TDRD1: variants seen among roughly 807,000 people sequenced by gnomAD.
TDRD1 encodes tudor domain-containing protein 1.
Under a neutral mutation model 140.6 loss-of-function variants are expected in TDRD1, and 37 were observed. That is an observed-to-expected ratio of 0.26 (90% CI 0.20 to 0.35). The LOEUF (loss-of-function observed/expected upper bound fraction) is 0.35. Ranked by LOEUF, TDRD1 falls within the 10% of genes least tolerant of loss-of-function variation. The pLI, the probability that TDRD1 is intolerant of heterozygous loss-of-function variation, is 1.00. For missense variants in TDRD1, 1,243 were observed against 1,393.0 expected (o/e 0.89, Z 1.71); for synonymous variants, 506 against 475.7 (o/e 1.06, Z -0.83).
At chr10:114,198,316 G>A (rs368483450) in intron 3 of TDRD1, among the ~76,000 whole-genome samples, 27 of 152,276 alleles carry the variant, frequency 1.8e-4, no homozygotes, top group African/African-American at 6.5e-4. Flanking sequence ...CACCTTGGTC[G>A]GGGTGGTGGC....
intron 9 of TDRD1, 22 bp downstream of exon 9, chr10:114,204,238 G>T (rs2034956159): frequency 1.3e-6 from 2 of 1,570,070 alleles, no homozygotes; most frequent in African/African-American, 2.8e-5. Flanking sequence ...TTACTTTCTA[G>T]ATTTTTAATA....
intron 3 of TDRD1, among the ~76,000 whole-genome samples, chr10:114,192,292 CTTTTTTTTTTTTTTTTTTT>C (rs938140798): frequency 1.3e-5 from 1 of 75,112 alleles, no homozygotes; most frequent in Non-Finnish European, 2.5e-5. Context: ...GATAGTTTTC[CTTTTTTTTTTTTTTTTTTT>C]TTTTTTTTTT....
chr10:114,221,267 G>T, intron 19 of TDRD1, 90 bp from the exon 20 acceptor site: 1 of 1,208,448 alleles, frequency 8.3e-7, no homozygotes, highest in South Asian at 1.3e-5. Context: ...ATCATTTCAT[G>T]AACAAATGAT....
At chr10:114,220,101 T>A (rs1260920576) in intron 18 of TDRD1, among the ~76,000 whole-genome samples, 1 of 152,176 alleles carries the variant, frequency 6.6e-6, no homozygotes, top group East Asian at 1.9e-4. Context: ...CATGTTCAAG[T>A]TTGAAAATCG....
At chr10:114,182,151 G>A (rs372856961) in intron 1 of TDRD1, among the ~76,000 whole-genome samples, 26 of 152,256 alleles carry the variant, frequency 1.7e-4, no homozygotes, top group African/African-American at 6.3e-4. Context: ...CTGGAATCTT[G>A]TATTCCATTA....
chr10:114,210,394 C>T (rs1564954485), intron 11 of TDRD1, among the ~76,000 whole-genome samples, 187 bp from the exon 12 acceptor site: 2 of 152,214 alleles, frequency 1.3e-5, no homozygotes, highest in Admixed American at 1.3e-4. Flanking sequence ...TTGGTGACAT[C>T]GAAAACTGAG....
chr10:114,206,182 C>G, intron 10 of TDRD1, 62 bp from the exon 11 acceptor site: 1 of 1,258,128 alleles, frequency 7.9e-7, no homozygotes, highest in Non-Finnish European at 1.2e-6. Flanking sequence ...CTTCTTTACG[C>G]TTTTCCCATA....
intron 4 of TDRD1, among the ~76,000 whole-genome samples, chr10:114,201,079 C>T (rs146722228): frequency 0.01 from 1,589 of 151,566 alleles, 18 homozygotes; most frequent in African/African-American, 0.037. Flanking sequence ...TGGTCTCGAA[C>T]TCCTGACCTC....
rs566463716 is a variant in TDRD1, at chr10:114,201,605, A to T, written c.635+90A>T. The T allele has an allele frequency of 1.6e-4, 157 of 1,005,360 alleles. 1 individual carries two copies. The East Asian group carries it at 3.7e-3, about 24-fold the overall frequency. The allele number at this position is 1,005,360 out of a possible 1,614,324, so 62.3% of individuals were successfully genotyped here. A position where few individuals can be genotyped will look rare whatever the true frequency, so the allele number is the denominator to read the frequency against. The stretch of plus-strand genomic sequence containing the variant: ...CAATTAGTTAAGCAGACCACAACCA[A>T]GTAGAAGTTACTTTTTCTTAAGCTC... On this transcript the variant is annotated intron_variant, in intron 5 of 25. Coordinates refer to ENST00000251864, the Ensembl canonical transcript of TDRD1.
Position 114,203,376 on chromosome 10 carries a change from T to TA in TDRD1, c.802-11dup, listed in dbSNP as rs746366797. The stretch of plus-strand genomic sequence containing the variant: ...CTTATGAATTATTCCTCTTTTTTTT[T>TA]ATCTTTGAAAGGGTACGGTTACCGA... On this transcript the variant is annotated splice_polypyrimidine_tract_variant and intron_variant, in intron 7 of 25. Coordinates refer to ENST00000251864, the Ensembl canonical transcript of TDRD1. 2.3e-5 allele frequency: 35 copies of TA among 1,553,318 alleles called. 1 individual carries two copies. Among genetic ancestry groups the TA allele is most frequent in the East Asian group, 2.3e-4 (10 of 44,444 alleles).
chr10:114,213,112 G>C (rs1226373841), intron 14 of TDRD1, among the ~76,000 whole-genome samples: 1 of 151,948 alleles, frequency 6.6e-6, no homozygotes, highest in Admixed American at 6.6e-5. Context: ...TGGCCATGTT[G>C]CCCAGTCTGG....
At chr10:114,205,038 G>T (rs772871812) in intron 10 of TDRD1, 145 bp downstream of exon 10, 6 of 638,152 alleles carry the variant, frequency 9.4e-6, no homozygotes, top group African/African-American at 1.9e-5. Flanking sequence ...CTTGAAATTG[G>T]CAGTTTGTCA....
chr10:114,175,424 C>T (rs1035587512), upstream of TDRD1, among the ~76,000 whole-genome samples: 4 of 152,066 alleles, frequency 2.6e-5, no homozygotes, highest in Non-Finnish European at 5.9e-5. Context: ...TATTAAAATT[C>T]TGCAATCCTA....
intron 11 of TDRD1, among the ~76,000 whole-genome samples, chr10:114,210,202 T>A (rs541261190): frequency 1.3e-5 from 2 of 152,366 alleles, no homozygotes; most frequent in South Asian, 4.1e-4. Context: ...ATTTTCACTT[T>A]AGAGTGAGTA....
At chr10:114,216,879 G>A (rs549984428) in intron 16 of TDRD1, among the ~76,000 whole-genome samples, 1 of 152,212 alleles carries the variant, frequency 6.6e-6, no homozygotes, top group African/African-American at 2.4e-5. Flanking sequence ...TTCTTAAAAG[G>A]CATTTGCTTT....
At chr10:114,231,242 T>C (rs1368129285) in intron 25 of TDRD1, among the ~76,000 whole-genome samples, 1 of 152,144 alleles carries the variant, frequency 6.6e-6, no homozygotes, top group Non-Finnish European at 1.5e-5. Context: ...CAGATATCTT[T>C]TATATATAAG....
At chr10:114,210,865 C>T in exon 13 of TDRD1, 1 of 1,614,058 alleles carries the variant, frequency 6.2e-7, no homozygotes, top group Non-Finnish European at 8.5e-7. Flanking sequence ...TGCAGGAAAG[C>T]TTGCTGAACT....
intron 14 of TDRD1, 129 bp downstream of exon 14, chr10:114,212,165 A>C (rs1265503981): frequency 1.3e-6 from 1 of 790,224 alleles, no homozygotes; most frequent in African/African-American, 1.8e-5. Context: ...AAGTTACTAT[A>C]AATGTCATTT....
At chr10:114,210,045 C>G (rs948276168) in intron 11 of TDRD1, among the ~76,000 whole-genome samples, 1 of 152,102 alleles carries the variant, frequency 6.6e-6, no homozygotes, top group African/African-American at 2.4e-5. Flanking sequence ...GCTTTTGAAG[C>G]CTTTCCTTCT....
Sources: allele counts gnomAD v4.1 joint callset (sites outside exome capture counted in the v4.1 genomes callset), GRCh38; gene constraint gnomAD v4.1.1; transcripts MANE v1.5; gene names NCBI Gene and HGNC (gene_info 2026-07-23, HGNC 2026-07-21).